The following ADAMTS3 variants were observed in gnomAD, a reference collection of about 807,000 sequenced individuals.
The protein encoded by ADAMTS3 is ADAM metallopeptidase with thrombospondin type 1 motif 3.
In ADAMTS3, 73 loss-of-function variants were observed where a neutral mutation model predicts 129.0. The ratio of observed to expected loss-of-function variants is 0.57; its 90% confidence interval spans 0.47 to 0.69. The LOEUF (loss-of-function observed/expected upper bound fraction) is 0.69. Among genes scored for constraint, ADAMTS3 ranks in the 30% least tolerant of loss-of-function variants. The pLI is 0.00. For missense variants in ADAMTS3, 1,457 were observed against 1,514.5 expected (o/e 0.96, Z 0.63); for synonymous variants, 477 against 510.8 (o/e 0.93, Z 0.89).
At chr4:72,334,100 G>T (rs577407012) in intron 5 of ADAMTS3, among the ~76,000 whole-genome samples, 74 of 151,890 alleles carry the variant, frequency 4.9e-4, no homozygotes, top group South Asian at 1.2e-3. Flanking sequence ...TGATCTGCCC[G>T]CCTAGGCCTC....
intron 4 of ADAMTS3, among the ~76,000 whole-genome samples, chr4:72,399,905 ATGCACACACGGTGTG>A (rs1429656628): frequency 9.8e-4 from 48 of 48,892 alleles, no homozygotes; most frequent in African/African-American, 1.1e-3. Flanking sequence ...GTGTGTATAT[ATGCACACACGGTGTG>A]TATATACGTG....
intron 2 of ADAMTS3, among the ~76,000 whole-genome samples, chr4:72,563,264 T>A (rs556119007): frequency 1.3e-5 from 2 of 152,182 alleles, no homozygotes; most frequent in Non-Finnish European, 2.9e-5. Flanking sequence ...ACCATAATCA[T>A]GCTCAATGGA....
At chr4:72,562,439 A>G (rs1042273417) in intron 2 of ADAMTS3, among the ~76,000 whole-genome samples, 1 of 152,206 alleles carries the variant, frequency 6.6e-6, no homozygotes, top group Non-Finnish European at 1.5e-5. Context: ...GGCAACATTC[A>G]CTATCATGGG....
intron 4 of ADAMTS3, among the ~76,000 whole-genome samples, chr4:72,395,843 C>G (rs537565193): frequency 1.3e-5 from 2 of 151,966 alleles, no homozygotes; most frequent in Non-Finnish European, 2.9e-5. Flanking sequence ...CATATACACA[C>G]GCATGTGCTG....
rs764883582 is a variant in ADAMTS3, at chr4:72,288,918, G to GCA, written c.2932-52_2932-51dup. On this transcript the variant is annotated intron_variant, in intron 20 of 21. Transcript: ENST00000286657. ...CAGACATTTATTGCACCAAGACCAT[G>GCA]CACATACACACACACACACACACAC... The GCA allele has an allele frequency of 3.8e-4, 215 of 564,458 alleles. 1 individual carries two copies. In the African/African-American group the frequency reaches 4.9e-3, roughly 13 times the overall value. The allele number at this position is 564,458 out of a possible 1,614,324, so 35.0% of individuals were successfully genotyped here.
At chr4:72,560,284 GC>G (rs1721872240) in intron 2 of ADAMTS3, among the ~76,000 whole-genome samples, 1 of 149,894 alleles carries the variant, frequency 6.7e-6, no homozygotes, top group South Asian at 2.1e-4. Flanking sequence ...CAGGACATAG[GC>G]ACAGACAAAG....
intron 4 of ADAMTS3, among the ~76,000 whole-genome samples, chr4:72,344,259 G>C (rs1311687506): frequency 1.3e-5 from 2 of 152,084 alleles, no homozygotes; most frequent in Admixed American, 1.3e-4. Context: ...TTAGGAGAAT[G>C]ACATGTTCAT....
intron 3 of ADAMTS3, among the ~76,000 whole-genome samples, chr4:72,540,730 T>C (rs1296275000): frequency 6.6e-6 from 1 of 152,222 alleles, no homozygotes; most frequent in African/African-American, 2.4e-5. Flanking sequence ...GCATGGCCCA[T>C]GACTTCAGAG....
chr4:72,554,991 G>A (rs191235936), intron 2 of ADAMTS3, among the ~76,000 whole-genome samples: 7 of 151,810 alleles, frequency 4.6e-5, no homozygotes, highest in East Asian at 1.9e-4. Context: ...TTACAACACT[G>A]TCTGGCACAT....
chr4:72,300,955 C>T (rs749480233), intron 17 of ADAMTS3, among the ~76,000 whole-genome samples: 38 of 152,154 alleles, frequency 2.5e-4, no homozygotes, highest in Non-Finnish European at 4.6e-4. Flanking sequence ...GCAAACTCAT[C>T]AGATACTCTA....
rs72852025 is a variant in ADAMTS3, at chr4:72,391,916, C to T, written c.661+22899G>A. On this transcript the variant is annotated intron_variant, in intron 4 of 21. Transcript: ENST00000286657. ...CAATCTGATTTTAAGATCCTGAAAA[C>T]GCGTAGAAAACACAATAACAAATTC... 5.3e-3 allele frequency among the ~76,000 whole-genome samples: 805 copies of T among 152,218 alleles called. 11 individuals are homozygous for T. The highest frequency in any genetic ancestry group is 0.018 in the African/African-American group (759 of 41,524).
At chr4:72,420,877 C>T (rs1302249786) in intron 3 of ADAMTS3, among the ~76,000 whole-genome samples, 2 of 151,958 alleles carry the variant, frequency 1.3e-5, no homozygotes, top group Non-Finnish European at 2.9e-5. Flanking sequence ...TAACCATTTT[C>T]TTGAAATAGT....
At chr4:72,287,713 C>T (rs958787577) in intron 21 of ADAMTS3, among the ~76,000 whole-genome samples, 3 of 152,104 alleles carry the variant, frequency 2.0e-5, no homozygotes, top group South Asian at 4.1e-4. Flanking sequence ...CAGAGCAAGA[C>T]AGACACCAAA....
At chr4:72,384,982 C>T (rs536765578) in intron 4 of ADAMTS3, among the ~76,000 whole-genome samples, 34 of 152,148 alleles carry the variant, frequency 2.2e-4, no homozygotes, top group African/African-American at 8.2e-4. Context: ...TCCTGGCTAA[C>T]ACCCTGAAAC....
chr4:72,292,163 T>C (rs1312370236), intron 19 of ADAMTS3, among the ~76,000 whole-genome samples: 2 of 152,208 alleles, frequency 1.3e-5, no homozygotes, highest in Admixed American at 6.5e-5. Flanking sequence ...TTTCTTTACA[T>C]AACCTTCTGT....
chr4:72,556,496 T>C (rs903838768), intron 2 of ADAMTS3, among the ~76,000 whole-genome samples: 2 of 151,708 alleles, frequency 1.3e-5, no homozygotes, highest in East Asian at 1.9e-4. Context: ...AAATCTCTTA[T>C]ATGTCACACA....
chr4:72,536,463 A>G (rs1721188140), intron 3 of ADAMTS3, among the ~76,000 whole-genome samples: 2 of 152,218 alleles, frequency 1.3e-5, no homozygotes. Flanking sequence ...CATCATTATT[A>G]TTAATCACAA....
At chr4:72,489,367 C>A (rs1424595108) in intron 3 of ADAMTS3, among the ~76,000 whole-genome samples, 1 of 151,896 alleles carries the variant, frequency 6.6e-6, no homozygotes, top group East Asian at 1.9e-4. Flanking sequence ...CCAGAAGTAA[C>A]AATTCATAAG....
chr4:72,372,427 CATAA>C (rs2109868596), intron 4 of ADAMTS3, among the ~76,000 whole-genome samples: 2 of 152,038 alleles, frequency 1.3e-5, no homozygotes, highest in South Asian at 4.1e-4. Context: ...AGAAGTACAT[CATAA>C]ATAATGCCAA....
Sources: gnomAD v4.1 joint callset for allele counts (sites outside exome capture counted in the v4.1 genomes callset) on GRCh38, gnomAD v4.1.1 for gene constraint, MANE v1.5 for transcripts, NCBI Gene and HGNC (gene_info 2026-07-23, HGNC 2026-07-21) for gene names.